The following SEPTIN11 variants were observed in gnomAD, a reference collection of about 807,000 sequenced individuals.
The protein encoded by SEPTIN11 is septin 11, also known as septin-11.
Under a neutral mutation model 51.4 loss-of-function variants are expected in SEPTIN11, and 25 were observed. That is an observed-to-expected ratio of 0.49 (90% CI 0.35 to 0.68). The LOEUF (loss-of-function observed/expected upper bound fraction) is 0.68, where lower values mean the gene tolerates loss of function less well. Among genes scored for constraint, SEPTIN11 ranks in the 30% least tolerant of loss-of-function variants. SEPTIN11 has a pLI of 0.00. For synonymous variants in SEPTIN11, 174 were observed against 184.1 expected (o/e 0.95, Z 0.44); for missense variants, 381 against 520.8 (o/e 0.73, Z 2.61).
chr4:77,008,614 G>A (rs1453487371), intron 3 of SEPTIN11, among the ~76,000 whole-genome samples: 1 of 152,200 alleles, frequency 6.6e-6, no homozygotes. Context: ...GGGTAGGTTG[G>A]ATGGATGGAT....
At chr4:76,998,701 C>T (rs1235599667) in intron 2 of SEPTIN11, among the ~76,000 whole-genome samples, 1 of 152,080 alleles carries the variant, frequency 6.6e-6, no homozygotes, top group Non-Finnish European at 1.5e-5. Context: ...CCCATCAGGC[C>T]TCTGTCTGTG....
In SEPTIN11 at chr4:76,984,823, C is replaced by T. The variant is rs1013613162; in HGVS notation, c.28-11602C>T. On this transcript the variant is annotated intron_variant, in intron 1 of 9. Transcript: ENST00000264893. This position sits in a 1 kb window ranked among gnomAD's most constrained non-coding sequence, Gnocchi z 4.1. The stretch of plus-strand genomic sequence containing the variant: ...ATGGAACTGGGTTGTTTGGGACCCA[C>T]TGGACAGCAAGAGGGTTTTGAAATG... Among the ~76,000 whole-genome samples the T allele has an allele frequency of 1.3e-5, 2 of 152,170 alleles. No homozygotes were observed. Among genetic ancestry groups the T allele is most frequent in the Admixed American group, 6.5e-5 (1 of 15,282 alleles).
At chr4:76,962,603 C>A (rs936541870) in intron 1 of SEPTIN11, among the ~76,000 whole-genome samples, 2 of 152,156 alleles carry the variant, frequency 1.3e-5, no homozygotes, top group African/African-American at 4.8e-5. Flanking sequence ...TCCTTTCACA[C>A]CCTGACGTAA....
intron 2 of SEPTIN11, among the ~76,000 whole-genome samples, chr4:76,999,541 T>G (rs1309244815): frequency 6.6e-6 from 1 of 152,124 alleles, no homozygotes; most frequent in African/African-American, 2.4e-5. Context: ...GGGAGGGAAT[T>G]AAGGATAAAA....
intron 1 of SEPTIN11, among the ~76,000 whole-genome samples, chr4:76,963,610 G>T (rs1183417844): frequency 6.6e-6 from 1 of 152,098 alleles, no homozygotes; most frequent in Non-Finnish European, 1.5e-5. Context: ...GTCAAATATG[G>T]CTTTTAAACA....
At chr4:77,013,998 G>A (rs1023178282) in intron 4 of SEPTIN11, among the ~76,000 whole-genome samples, 4 of 152,136 alleles carry the variant, frequency 2.6e-5, no homozygotes, top group South Asian at 2.1e-4. Context: ...GGGGGCAGCC[G>A]GGGAAAGAAT....
At chr4:76,988,319 T>C (rs918264101) in intron 1 of SEPTIN11, among the ~76,000 whole-genome samples, 28 of 152,352 alleles carry the variant, frequency 1.8e-4, no homozygotes, top group African/African-American at 6.7e-4. Context: ...CCCATTACCC[T>C]GTACGCTCCA....
chr4:77,036,893 A>G lies in SEPTIN11; in HGVS notation c.*2381A>G. 2.9e-6 allele frequency: 4 copies of G among 1,395,572 alleles called. No homozygotes were observed. The highest frequency in any genetic ancestry group is 3.7e-6 in the Non-Finnish European group (4 of 1,081,394). The allele number at this position is 1,395,572 out of a possible 1,614,324, so 86.4% of individuals were successfully genotyped here. A position where few individuals can be genotyped will look rare whatever the true frequency, so the allele number is the denominator to read the frequency against. On this transcript the variant is annotated 3_prime_UTR_variant, in exon 10 of 10. Coordinates refer to ENST00000264893, the MANE Select transcript of SEPTIN11 (RefSeq NM_018243.4). Reference sequence around the variant, plus strand: ...CTTTCTGACTTTTCAAAATTAGAGAAAGCAAATGGGATGGATAGATTTTTT... The same window carrying G: ...CTTTCTGACTTTTCAAAATTAGAGAGAGCAAATGGGATGGATAGATTTTTT...
At position 77,011,762 on chromosome 4, in the gene SEPTIN11, T is replaced by G. The variant is rs1250232443; in HGVS notation, c.366T>G (p.Asp122Glu). 30 of 1,614,014 alleles carry G rather than the reference T, an allele frequency of 1.9e-5. No homozygotes were observed. Among genetic ancestry groups the G allele is most frequent in the Non-Finnish European group, 2.5e-5 (30 of 1,179,994 alleles). Reference sequence around the variant, plus strand: ...ATAAGCCGATAGTAGAATATATTGATGCCCAGTTCGAGGCCTACCTGCAAG... The same window carrying G: ...ATAAGCCGATAGTAGAATATATTGAGGCCCAGTTCGAGGCCTACCTGCAAG... ...DSYKPIVEYI[D>E]AQFEAYLQEE... The change falls in exon 4 of 10, where the codon GAT becomes GAG. Residue 122 changes from aspartate (D) to glutamate (E), a missense_variant. Physicochemically the swap from Asp to Glu is conservative, Grantham distance 45. Transcript: ENST00000264893.
intron 1 of SEPTIN11, among the ~76,000 whole-genome samples, chr4:76,983,962 G>A (rs182444430): frequency 6.6e-4 from 100 of 152,190 alleles, no homozygotes; most frequent in Non-Finnish European, 1.2e-3. Context: ...AGCCGAGATC[G>A]CGCTATTGCA....
In SEPTIN11 at chr4:77,028,578, T is replaced by C. The variant is rs535145231; in HGVS notation, c.954-51T>C. The C allele has an allele frequency of 2.0e-6, 3 of 1,509,992 alleles. No homozygotes were observed. In the African/African-American group the frequency reaches 4.2e-5, roughly 21 times the overall value. 93.5% of individuals were successfully genotyped at this position (1,509,992 alleles called of 1,614,324 possible). A position where few individuals can be genotyped will look rare whatever the true frequency, so the allele number is the denominator to read the frequency against. On this transcript the variant is annotated intron_variant, in intron 7 of 9. Transcript: ENST00000264893. ...GGTAGAAATTATGTGAACTGAAATTTCTTAGTATACAATTTCATGATGCTG... is the reference window on the plus strand; with the variant it reads ...GGTAGAAATTATGTGAACTGAAATTCCTTAGTATACAATTTCATGATGCTG...
intron 1 of SEPTIN11, among the ~76,000 whole-genome samples, chr4:76,972,190 T>C (rs1722280008): frequency 6.6e-6 from 1 of 152,260 alleles, no homozygotes; most frequent in African/African-American, 2.4e-5. Flanking sequence ...TCCTTTATTG[T>C]ATGTGCAAAT....
rs1458799258 is a variant in SEPTIN11, at chr4:77,036,517, A to C, written c.*2005A>C. The stretch of plus-strand genomic sequence containing the variant: ...AAAATTTTTTTAAAATGAGCATAAC[A>C]ACGAAAGGCATCCAGCTGACTTTTT... On this transcript the variant is annotated 3_prime_UTR_variant, in exon 10 of 10. Coordinates refer to ENST00000264893, the MANE Select transcript of SEPTIN11 (RefSeq NM_018243.4). 11 of 1,370,544 alleles carry C rather than the reference A, an allele frequency of 8.0e-6. No homozygotes were observed. In the East Asian group the frequency reaches 2.9e-4, roughly 36 times the overall value. 84.9% of individuals were successfully genotyped at this position (1,370,544 alleles called of 1,614,324 possible).
intron 5 of SEPTIN11, among the ~76,000 whole-genome samples, chr4:77,018,025 G>A (rs1725418595): frequency 6.6e-6 from 1 of 152,192 alleles, no homozygotes; most frequent in South Asian, 2.1e-4. Context: ...AGACACACAA[G>A]TATTTTAAAA....
Position 77,008,268 on chromosome 4 carries a change from C to T in SEPTIN11, c.338+2472C>T, listed in dbSNP as rs188707624. ...AATTGGAAATAGAATAATTAGTTTG[C>T]CCCACACTGGGGAGATGGGAGGTGA... is the stretch of plus-strand genomic sequence containing the variant. On this transcript the variant is annotated intron_variant, in intron 3 of 9. Transcript: ENST00000264893. 1.4e-3 allele frequency among the ~76,000 whole-genome samples: 209 copies of T among 152,222 alleles called. 1 individual carries two copies. The highest frequency in any genetic ancestry group is 2.4e-3 in the Non-Finnish European group (166 of 68,014).
At chr4:76,953,873 A>G (rs918882345) in intron 1 of SEPTIN11, among the ~76,000 whole-genome samples, 1 of 152,222 alleles carries the variant, frequency 6.6e-6, no homozygotes, top group African/African-American at 2.4e-5. Flanking sequence ...TAAAAGAACA[A>G]AACTGCCCAT....
At chr4:76,976,601 G>T (rs1450034575) in intron 1 of SEPTIN11, among the ~76,000 whole-genome samples, 1 of 152,178 alleles carries the variant, frequency 6.6e-6, no homozygotes, top group Non-Finnish European at 1.5e-5. Context: ...CTTGGAAAGG[G>T]TAACCCGCTA....
intron 1 of SEPTIN11, among the ~76,000 whole-genome samples, chr4:76,992,160 A>G (rs904032): frequency 0.52 from 79,671 of 152,030 alleles, 21,738 homozygotes; most frequent in Middle Eastern, 0.62. Context: ...ATTATATTAT[A>G]GGTTTCATGT....
At chr4:76,951,099 C>T (rs143583639) in intron 1 of SEPTIN11, among the ~76,000 whole-genome samples, 250 of 152,288 alleles carry the variant, frequency 1.6e-3, no homozygotes, top group African/African-American at 5.7e-3. Flanking sequence ...ACTGGAAGCT[C>T]GGAAATCCCA....
Sources: gnomAD v4.1 joint callset for allele counts (sites outside exome capture counted in the v4.1 genomes callset) on GRCh38, gnomAD v4.1.1 for gene constraint, Gnocchi (gnomAD v3.1) non-coding constraint, MANE v1.5 for transcripts, NCBI Gene and HGNC (gene_info 2026-07-23, HGNC 2026-07-21) for gene names.